NALCN: variants seen among roughly 807,000 people sequenced by gnomAD.
NALCN encodes sodium leak channel NALCN.
Under a neutral mutation model 225.3 loss-of-function variants are expected in NALCN, and 111 were observed. The ratio of observed to expected loss-of-function variants is 0.49; its 90% CI spans 0.42 to 0.58. The LOEUF is 0.58. NALCN is among the 20% of genes least tolerant of loss of function. The pLI is 0.00. For missense variants in NALCN, 1,378 were observed against 2,202.4 expected, an observed-to-expected ratio of 0.63 and a Z score of 7.49; for synonymous variants, 764 against 769.0, an observed-to-expected ratio of 0.99 and a Z score of 0.11.
chr13:101,320,930 G>C (rs150603820), intron 7 of NALCN, among the ~76,000 whole-genome samples: 5 of 152,248 alleles, frequency 3.3e-5, no homozygotes, highest in Non-Finnish European at 5.9e-5. Context: ...AGGGTTAGAA[G>C]AAAGGGCAAT....
At chr13:101,295,268 C>T (rs1404975331) in intron 7 of NALCN, among the ~76,000 whole-genome samples, 1 of 152,098 alleles carries the variant, frequency 6.6e-6, no homozygotes, top group Non-Finnish European at 1.5e-5. Context: ...GAATATGAAA[C>T]ATATTTTTAA....
intron 27 of NALCN, among the ~76,000 whole-genome samples, chr13:101,099,198 G>A (rs769967790): frequency 1.2e-4 from 18 of 151,882 alleles, no homozygotes; most frequent in Non-Finnish European, 2.5e-4. Flanking sequence ...GGATGAATGC[G>A]TCAGGTCTCT....
intron 42 of NALCN, chr13:101,058,419 G>C: frequency 5.1e-6 from 1 of 196,136 alleles, no homozygotes; most frequent in Non-Finnish European, 1.1e-5. Flanking sequence ...GGACGGGCTG[G>C]GCGGGGGCAG....
intron 14 of NALCN, among the ~76,000 whole-genome samples, chr13:101,189,833 C>T (rs2039610348): frequency 6.6e-6 from 1 of 152,168 alleles, no homozygotes; most frequent in Admixed American, 6.5e-5. Flanking sequence ...TGGGTAGATA[C>T]TTAAATCAGT....
Position 101,278,351 on chromosome 13 carries a change from G to C in NALCN, c.1134+5582C>G, listed in dbSNP as rs536055410. ...CAGCCTGACCAACATGGTGAAACCCGGTTTCTACTAAAAATACAAAAATCA... is the reference window on the plus strand; with the variant it reads ...CAGCCTGACCAACATGGTGAAACCCCGTTTCTACTAAAAATACAAAAATCA... On this transcript the variant is annotated intron_variant, in intron 10 of 43. Coordinates refer to ENST00000251127, the MANE Select transcript of NALCN (RefSeq NM_052867.4). 3.2e-4 allele frequency among the ~76,000 whole-genome samples: 49 copies of C among 151,562 alleles called. 1 individual carries two copies. The East Asian group carries it at 9.0e-3, about 28-fold the overall frequency.
At chr13:101,260,216 C>A (rs570478981) in intron 10 of NALCN, among the ~76,000 whole-genome samples, 7 of 152,260 alleles carry the variant, frequency 4.6e-5, no homozygotes, top group African/African-American at 1.7e-4. Flanking sequence ...TTGTTCTTTA[C>A]TATGGTTGAA....
At chr13:101,285,626 A>C (rs2043312424) in intron 9 of NALCN, among the ~76,000 whole-genome samples, 1 of 152,188 alleles carries the variant, frequency 6.6e-6, no homozygotes, top group South Asian at 2.1e-4. Flanking sequence ...TTTGACAAAG[A>C]TGCCAACTGC....
chr13:101,391,827 AC>A (rs2047155011), intron 3 of NALCN, among the ~76,000 whole-genome samples: 1 of 137,702 alleles, frequency 7.3e-6, no homozygotes, highest in African/African-American at 3.1e-5. Context: ...TACTAAACAC[AC>A]AAAAAGTTAG....
At chr13:101,186,885 T>C (rs113605463) in intron 14 of NALCN, among the ~76,000 whole-genome samples, 3 of 152,190 alleles carry the variant, frequency 2.0e-5, no homozygotes, top group Non-Finnish European at 4.4e-5. Context: ...TAGAAGAAGA[T>C]ATAGGAGAAT....
intron 15 of NALCN, among the ~76,000 whole-genome samples, chr13:101,172,666 TCTC>T (rs2038782550): frequency 6.6e-6 from 1 of 152,146 alleles, no homozygotes; most frequent in African/African-American, 2.4e-5. Context: ...TTTACGCCAT[TCTC>T]CTGCCTCAGC....
rs9300647 is a variant in NALCN, at chr13:101,103,129, G to T, written c.3057+43C>A. On this transcript the variant is annotated intron_variant, in intron 26 of 43. Coordinates refer to ENST00000251127, the MANE Select transcript of NALCN (RefSeq NM_052867.4). ...TTTTCCCTCATTAGCTGCATTAGAG[G>T]TGGACTACTGTGAACTGGAATCAAA... 862,238 of 1,588,502 alleles carry T rather than the reference G, an allele frequency of 0.54. 234,995 individuals carry two copies. Among genetic ancestry groups the T allele is most frequent in the East Asian group, 0.63 (28,225 of 44,684 alleles).
intron 43 of NALCN, chr13:101,056,910 G>A (rs1326062626): frequency 6.6e-6 from 1 of 152,172 alleles, no homozygotes; most frequent in Admixed American, 6.5e-5. Context: ...CACCATCTAC[G>A]TTGTCTTGAT....
intron 7 of NALCN, among the ~76,000 whole-genome samples, chr13:101,334,704 T>C (rs1219905542): frequency 6.6e-6 from 1 of 152,190 alleles, no homozygotes; most frequent in African/African-American, 2.4e-5. Context: ...AAATTGTTTC[T>C]AGGAATCTGT....
chr13:101,353,178 C>A (rs1365941891), intron 6 of NALCN, among the ~76,000 whole-genome samples: 1 of 152,150 alleles, frequency 6.6e-6, no homozygotes, highest in Non-Finnish European at 1.5e-5. Flanking sequence ...GACACAGACT[C>A]TTTTGCACTC....
Position 101,123,520 on chromosome 13 carries a change from G to A in NALCN, c.2192+1088C>T, listed in dbSNP as rs151333333. ...GTCGGGAGTAAGCCTAAGTTGGGGC[G>A]CAGGTTGTCTATTTCAATGAGACCT... is the stretch of plus-strand genomic sequence containing the variant. On this transcript the variant is annotated intron_variant, in intron 18 of 43. Transcript: ENST00000251127. Among the ~76,000 whole-genome samples, 56 of 152,242 alleles carry A rather than the reference G, an allele frequency of 3.7e-4. No individual in the cohort carries two copies. In the South Asian group the frequency reaches 4.8e-3, roughly 13 times the overall value.
At position 101,240,807 on chromosome 13, in the gene NALCN, A is replaced by T. The variant is rs894651819; in HGVS notation, c.1267-2885T>A. Reference sequence around the variant, plus strand: ...ATTTAACCTTTAATTCACTGAGGCAATGAAATATAACACAAAAGCTCCTGA... The same window carrying T: ...ATTTAACCTTTAATTCACTGAGGCATTGAAATATAACACAAAAGCTCCTGA... On this transcript the variant is annotated intron_variant, in intron 11 of 43. Transcript: ENST00000251127. Among the ~76,000 whole-genome samples the T allele has an allele frequency of 3.9e-5, 6 of 152,298 alleles. No homozygotes were observed. The East Asian group carries it at 1.2e-3, about 29-fold the overall frequency.
In NALCN at chr13:101,296,028, C is replaced by G. The variant is rs530999938; in HGVS notation, c.800-3662G>C. Among the ~76,000 whole-genome samples, 5 of 152,332 alleles carry G rather than the reference C, an allele frequency of 3.3e-5. No homozygotes were observed. In the South Asian group the frequency reaches 1.0e-3, roughly 32 times the overall value. ...TCCCGCTCTCGCTGCTGGCCCTGCA[C>G]TGCTTCCCTCTGGCCCTCTTGACAG... On this transcript the variant is annotated intron_variant, in intron 7 of 43. Transcript: ENST00000251127.
intron 22 of NALCN, among the ~76,000 whole-genome samples, chr13:101,105,416 G>A (rs2035043777): frequency 6.6e-6 from 1 of 152,192 alleles, no homozygotes; most frequent in Admixed American, 6.5e-5. Flanking sequence ...TTTCTTGGAA[G>A]GGAGAGTCGT....
chr13:101,366,958 G>A (rs1185207101), intron 6 of NALCN, among the ~76,000 whole-genome samples: 1 of 144,174 alleles, frequency 6.9e-6, no homozygotes, highest in African/African-American at 2.9e-5. Flanking sequence ...CGCAGCCCCT[G>A]ATAACCACCA....
Sources: gnomAD v4.1 joint callset for allele counts (sites outside exome capture counted in the v4.1 genomes callset) on GRCh38, gnomAD v4.1.1 for gene constraint, MANE v1.5 for transcripts, NCBI Gene and HGNC (gene_info 2026-07-23, HGNC 2026-07-21) for gene names.